Variants in ARFGEF1 observed in about 807,000 individuals in gnomAD.
ARFGEF1 encodes the protein ARF guanine nucleotide exchange factor 1, also known as brefeldin A-inhibited guanine nucleotide-exchange protein 1.
ARFGEF1 carries 42 observed loss-of-function variants against 231.0 expected under a neutral mutation model. The ratio of observed to expected loss-of-function variants is 0.18; its 90% CI spans 0.14 to 0.24. The LOEUF is 0.24. ARFGEF1 is among the 10% of genes least tolerant of loss of function. The pLI, the probability that ARFGEF1 is intolerant of heterozygous loss-of-function variation, is 1.00. For synonymous variants in ARFGEF1, 710 were observed against 732.3 expected, an observed-to-expected ratio of 0.97 and a Z score of 0.49; for missense variants, 1,345 against 2,192.0, an observed-to-expected ratio of 0.61 and a Z score of 7.72.
At chr8:67,310,655 C>T (rs1402510317) in intron 1 of ARFGEF1, among the ~76,000 whole-genome samples, 12 of 151,088 alleles carry the variant, frequency 7.9e-5, no homozygotes, top group Non-Finnish European at 1.5e-4. Flanking sequence ...AAGTGAGGAG[C>T]GTCTCTGCCC....
intron 7 of ARFGEF1, among the ~76,000 whole-genome samples, chr8:67,284,760 C>A (rs1363353897): frequency 6.6e-6 from 1 of 152,108 alleles, no homozygotes; most frequent in East Asian, 1.9e-4. Flanking sequence ...ACTGGAAGGG[C>A]CTGCAAGTAA....
At position 67,185,984 on chromosome 8, in the gene ARFGEF1, A is replaced by T. The variant is rs1323237463; in HGVS notation, c.561-10412T>A. 2.6e-5 allele frequency among the ~76,000 whole-genome samples: 4 copies of T among 152,242 alleles called. No individual in the cohort carries two copies. In the East Asian group the frequency reaches 7.7e-4, roughly 29 times the overall value. ...ACTTAAAGCAAAAATGCAAGCAAGT[A>T]TAGGAAAAGGTGGTTCTCTTCCCAA... On this transcript the variant is annotated intron_variant, in intron 5 of 5. Transcript: ENST00000518789.
intron 14 of ARFGEF1, among the ~76,000 whole-genome samples, chr8:67,264,886 G>T (rs1276478509): frequency 6.6e-6 from 1 of 152,112 alleles, no homozygotes; most frequent in African/African-American, 2.4e-5. Context: ...TTTAAAAATT[G>T]CTCATGTTTA....
rs1806950878 is a variant in ARFGEF1 at position 67,310,426 on chromosome 8, T to C, written c.125-7960A>G. On this transcript the variant is annotated intron_variant, in intron 1 of 38. Coordinates refer to ENST00000262215, the MANE Select transcript of ARFGEF1 (RefSeq NM_006421.5). ...CAATAGTGCCCAGGCTGGAGTGCAGTGGCGTGATCTCGGCTCGCTACAACC... is the reference window on the plus strand; with the variant it reads ...CAATAGTGCCCAGGCTGGAGTGCAGCGGCGTGATCTCGGCTCGCTACAACC... Among the ~76,000 whole-genome samples, 4 of 152,194 alleles carry C rather than the reference T, an allele frequency of 2.6e-5. No individual in the cohort carries two copies. In the South Asian group the frequency reaches 8.3e-4, roughly 31 times the overall value.
chr8:67,219,003 G>A (rs943818485), intron 30 of ARFGEF1, among the ~76,000 whole-genome samples: 1 of 151,922 alleles, frequency 6.6e-6, no homozygotes, highest in Admixed American at 6.6e-5. Flanking sequence ...AGTTTTGCTC[G>A]TCGCCCAGGC....
chr8:67,205,701 C>CAA (rs968415044), intron 34 of ARFGEF1, among the ~76,000 whole-genome samples: 36 of 151,382 alleles, frequency 2.4e-4, no homozygotes, highest in African/African-American at 8.7e-4. Flanking sequence ...TACAAAGCTA[C>CAA]AAAAAAATGT....
chr8:67,297,041 C>T (rs1026154875), intron 4 of ARFGEF1, among the ~76,000 whole-genome samples: 3 of 152,130 alleles, frequency 2.0e-5, no homozygotes, highest in South Asian at 2.1e-4. Flanking sequence ...TTACCACTTG[C>T]GGGTAGTATA....
Position 67,228,149 on chromosome 8 carries a change from T to C in ARFGEF1, c.3422-17A>G, listed in dbSNP as rs745413391. ...CAAAATCCACTGTAATATAAATACA[T>C]TTTTTTTTTAGCTCAACATTAAAGT... On this transcript the variant is annotated splice_polypyrimidine_tract_variant and intron_variant, in intron 24 of 38. Transcript: ENST00000262215. The C allele has an allele frequency of 5.8e-6, 7 of 1,215,782 alleles. No individual in the cohort carries two copies. Among genetic ancestry groups the C allele is most frequent in the Non-Finnish European group, 6.7e-6 (6 of 898,050 alleles). The allele number at this position is 1,215,782 out of a possible 1,614,324, so 75.3% of individuals were successfully genotyped here. A position where few individuals can be genotyped will look rare whatever the true frequency, so the allele number is the denominator to read the frequency against.
intron 20 of ARFGEF1, 138 bp downstream of exon 20, chr8:67,240,024 A>T: frequency 1.7e-6 from 2 of 1,175,242 alleles, no homozygotes; most frequent in Non-Finnish European, 2.4e-6. Flanking sequence ...CTTAAACATT[A>T]AGATTCATTT....
intron 1 of ARFGEF1, among the ~76,000 whole-genome samples, chr8:67,311,196 G>A (rs552587428): frequency 1.0e-3 from 154 of 148,216 alleles, no homozygotes; most frequent in African/African-American, 3.5e-3. Flanking sequence ...GGGAAGTGAG[G>A]AGCCCCTCTG....
chr8:67,182,618 T>C (rs1833336613), intron 5 of ARFGEF1, among the ~76,000 whole-genome samples: 1 of 152,232 alleles, frequency 6.6e-6, no homozygotes, highest in African/African-American at 2.4e-5. Context: ...TGCACAAAAG[T>C]TCCGATTTCT....
At chr8:67,225,158 T>C in intron 28 of ARFGEF1, 125 bp from the exon 29 acceptor site, 1 of 951,700 alleles carries the variant, frequency 1.1e-6, no homozygotes, top group Admixed American at 3.7e-5. Flanking sequence ...TAAAAAATAA[T>C]TTATAAAAAA....
At chr8:67,310,139 G>A (rs1159049732) in intron 1 of ARFGEF1, among the ~76,000 whole-genome samples, 3 of 151,766 alleles carry the variant, frequency 2.0e-5, no homozygotes, top group Non-Finnish European at 4.4e-5. Context: ...CTCTTTCCAC[G>A]GTCTCCCTCT....
intron 18 of ARFGEF1, among the ~76,000 whole-genome samples, chr8:67,252,147 C>T (rs953031394): frequency 2.0e-5 from 3 of 152,062 alleles, no homozygotes; most frequent in Non-Finnish European, 4.4e-5. Context: ...TGGCGCACGC[C>T]TGTAATCCCA....
chr8:67,275,420 T>G (rs1176590304), intron 9 of ARFGEF1, among the ~76,000 whole-genome samples: 1 of 152,094 alleles, frequency 6.6e-6, no homozygotes, highest in Middle Eastern at 3.2e-3. Context: ...TCAAAGTTCT[T>G]CCTGATCCCA....
intron 23 of ARFGEF1, among the ~76,000 whole-genome samples, chr8:67,231,329 A>G (rs1839545855): frequency 6.6e-6 from 1 of 152,106 alleles, no homozygotes; most frequent in African/African-American, 2.4e-5. Flanking sequence ...GGTTTTGTAT[A>G]AAATTTGATA....
At chr8:67,295,181 T>C (rs939164013) in intron 5 of ARFGEF1, among the ~76,000 whole-genome samples, 11 of 152,058 alleles carry the variant, frequency 7.2e-5, no homozygotes, top group African/African-American at 2.7e-4. Context: ...AGGAAAATCA[T>C]TAGGGAAACG....
chr8:67,340,922 C>T (rs1462539430), intron 1 of ARFGEF1, among the ~76,000 whole-genome samples: 1 of 152,136 alleles, frequency 6.6e-6, no homozygotes, highest in Non-Finnish European at 1.5e-5. Flanking sequence ...CCATTTAGAG[C>T]GCTATAGGCC....
chr8:67,205,637 AC>A (rs1458991341), intron 34 of ARFGEF1, among the ~76,000 whole-genome samples: 3 of 151,942 alleles, frequency 2.0e-5, no homozygotes, highest in Non-Finnish European at 2.9e-5. Flanking sequence ...CAGTTGAATC[AC>A]CTGAGGTCAG....
Sources: gnomAD v4.1 joint callset for allele counts (sites outside exome capture counted in the v4.1 genomes callset) on GRCh38, gnomAD v4.1.1 for gene constraint, MANE v1.5 for transcripts, NCBI Gene and HGNC (gene_info 2026-07-23, HGNC 2026-07-21) for gene names.